Variants in ATF7IP observed in about 807,000 individuals in gnomAD.
ATF7IP encodes activating transcription factor 7 interacting protein, also known as activating transcription factor 7-interacting protein 1.
A neutral mutation model predicts 106.4 loss-of-function variants in ATF7IP; 23 were observed. That is an observed-to-expected ratio of 0.22 (90% confidence interval 0.16 to 0.31). The LOEUF (loss-of-function observed/expected upper bound fraction) is 0.31. ATF7IP is among the 10% of genes least tolerant of loss of function. ATF7IP has a pLI of 1.00. For synonymous variants in ATF7IP, 542 were observed against 539.0 expected (o/e 1.01, Z -0.08); for missense variants, 1,334 against 1,524.3 (o/e 0.88, Z 2.08).
At chr12:14,475,741 A>C (rs1591945325) in intron 10 of ATF7IP, 149 bp from the exon 11 acceptor site, 1 of 565,398 alleles carries the variant, frequency 1.8e-6, no homozygotes, top group Middle Eastern at 4.6e-4. Context: ...TTTGTCTGAC[A>C]AACTCTCTTT....
At chr12:14,469,452 C>T (rs139108518) in intron 10 of ATF7IP, among the ~76,000 whole-genome samples, 108 of 149,952 alleles carry the variant, frequency 7.2e-4, no homozygotes, top group Non-Finnish European at 1.3e-3. Context: ...ATGTAAAATA[C>T]TCTTTCTGTA....
intron 13 of ATF7IP, among the ~76,000 whole-genome samples, chr12:14,486,335 CT>C (rs1452337415): frequency 1.3e-5 from 2 of 152,162 alleles, no homozygotes; most frequent in African/African-American, 2.4e-5. Flanking sequence ...GGTCATTTCC[CT>C]TTCCCCAGTG....
Position 14,425,260 on chromosome 12 carries a change from C to T in ATF7IP, c.1345C>T (p.Leu449Phe). ...LEKLAPSEDELTCFSKTSLLP... is the reference protein window; with the variant it reads ...LEKLAPSEDEFTCFSKTSLLP... ...AAAGCTTGCACCTTCTGAGGATGAA[C>T]TTACTTGCTTTTCTAAAACATCTCT... is the stretch of plus-strand genomic sequence containing the variant. Residue 449 changes from leucine (L) to phenylalanine (F), a missense_variant, in exon 2 of 15, where the codon CTT becomes TTT. Coordinates refer to ENST00000261168, the MANE Select transcript of ATF7IP (RefSeq NM_018179.5). 6.3e-7 allele frequency: 1 copy of T among 1,598,092 alleles called. No individual in the cohort carries two copies.
intron 12 of ATF7IP, 42 bp downstream of exon 12, chr12:14,478,514 T>G: frequency 6.2e-7 from 1 of 1,606,160 alleles, no homozygotes; most frequent in Non-Finnish European, 8.5e-7. Flanking sequence ...TGGTTTTGCC[T>G]GTAGAGAACT....
intron 1 of ATF7IP, among the ~76,000 whole-genome samples, chr12:14,406,452 G>C (rs1940585723): frequency 6.6e-6 from 1 of 152,030 alleles, no homozygotes; most frequent in African/African-American, 2.4e-5. Flanking sequence ...CTTTTCACTA[G>C]TTGTGACTCA....
intron 1 of ATF7IP, among the ~76,000 whole-genome samples, chr12:14,380,083 T>C (rs1382910964): frequency 6.6e-6 from 1 of 152,218 alleles, no homozygotes; most frequent in Non-Finnish European, 1.5e-5. Flanking sequence ...TTTGCTAAGG[T>C]TGGTTTCTTC....
At chr12:14,383,927 T>C (rs948293982) in intron 1 of ATF7IP, among the ~76,000 whole-genome samples, 2 of 152,194 alleles carry the variant, frequency 1.3e-5, no homozygotes, top group African/African-American at 4.8e-5. Flanking sequence ...AGAATTAATA[T>C]GGCTTGGATC....
chr12:14,493,228 T>C (rs1003460340), intron 13 of ATF7IP, among the ~76,000 whole-genome samples: 1 of 152,156 alleles, frequency 6.6e-6, no homozygotes, highest in African/African-American at 2.4e-5. Flanking sequence ...TCCACCATAA[T>C]CTCATACCCT....
chr12:14,452,854 C>T (rs769325043), intron 6 of ATF7IP, among the ~76,000 whole-genome samples: 26 of 151,996 alleles, frequency 1.7e-4, no homozygotes, highest in Admixed American at 1.2e-3. Context: ...TTAGTTTCCA[C>T]GTGAAGGGCT....
At chr12:14,431,014 C>T (rs910573461) in intron 2 of ATF7IP, among the ~76,000 whole-genome samples, 2 of 152,202 alleles carry the variant, frequency 1.3e-5, no homozygotes, top group Non-Finnish European at 2.9e-5. Context: ...TTTTGTCCTC[C>T]ATTTTTCCTT....
chr12:14,462,779 G>A (rs1401072102), intron 9 of ATF7IP, among the ~76,000 whole-genome samples: 2 of 151,524 alleles, frequency 1.3e-5, no homozygotes, highest in African/African-American at 2.4e-5. Flanking sequence ...TCATTAATTG[G>A]TATAGCATTC....
intron 9 of ATF7IP, among the ~76,000 whole-genome samples, chr12:14,461,618 G>C (rs1943640705): frequency 6.6e-6 from 1 of 152,114 alleles, no homozygotes; most frequent in Non-Finnish European, 1.5e-5. Context: ...GCTATAAAAT[G>C]TTTGAGTCCT....
At chr12:14,374,571 G>A (rs1478103416) in intron 1 of ATF7IP, among the ~76,000 whole-genome samples, 1 of 152,034 alleles carries the variant, frequency 6.6e-6, no homozygotes, top group Non-Finnish European at 1.5e-5. Flanking sequence ...ATTTTTGTAG[G>A]GTACAGAAAG....
intron 13 of ATF7IP, among the ~76,000 whole-genome samples, chr12:14,491,566 G>C (rs899755767): frequency 2.0e-5 from 3 of 152,212 alleles, no homozygotes; most frequent in African/African-American, 7.2e-5. Context: ...GTGGTATCTT[G>C]CAGGAGCAAA....
intron 1 of ATF7IP, among the ~76,000 whole-genome samples, chr12:14,409,538 G>A (rs1442626402): frequency 2.0e-5 from 3 of 152,078 alleles, no homozygotes; most frequent in Non-Finnish European, 4.4e-5. Context: ...GTCATGCTTA[G>A]TACTGCTTTG....
chr12:14,443,423 T>C (rs763456255), intron 5 of ATF7IP, among the ~76,000 whole-genome samples: 38 of 152,220 alleles, frequency 2.5e-4, no homozygotes, highest in Non-Finnish European at 5.3e-4. Flanking sequence ...CATAGATTTC[T>C]CTTAAGAATG....
chr12:14,484,385 T>C (rs986082519), intron 13 of ATF7IP, among the ~76,000 whole-genome samples: 1 of 152,198 alleles, frequency 6.6e-6, no homozygotes, highest in African/African-American at 2.4e-5. Context: ...AGGTCACCCG[T>C]TGGTGAGCAC....
At chr12:14,418,312 T>G (rs937941461) in intron 1 of ATF7IP, among the ~76,000 whole-genome samples, 1 of 152,130 alleles carries the variant, frequency 6.6e-6, no homozygotes, top group Non-Finnish European at 1.5e-5. Flanking sequence ...ATGAAAAAAA[T>G]ACTTTCAGGA....
rs938042160 is a variant in ATF7IP at position 14,496,440 on chromosome 12, G to A, written c.3393+97G>A. 8.2e-6 allele frequency: 6 copies of A among 733,644 alleles called. No individual in the cohort carries two copies. In the Admixed American group the frequency reaches 1.3e-4, roughly 16 times the overall value. 45.4% of individuals were successfully genotyped at this position (733,644 alleles called of 1,614,324 possible). A position where few individuals can be genotyped will look rare whatever the true frequency, so the allele number is the denominator to read the frequency against. ...TTCTTTAAAATGGTTATATCCAAGG[G>A]AAGTGTTAGGTCTTCCTGCTTTTTC... On this transcript the variant is annotated intron_variant, in intron 14 of 14. Transcript: ENST00000261168.
Sources: allele counts gnomAD v4.1 joint callset (sites outside exome capture counted in the v4.1 genomes callset), GRCh38; gene constraint gnomAD v4.1.1; transcripts MANE v1.5; gene names NCBI Gene and HGNC (gene_info 2026-07-23, HGNC 2026-07-21).